The following NR3C1 variants were observed in gnomAD, a reference collection of about 807,000 sequenced individuals.
NR3C1 encodes the protein nuclear receptor subfamily 3 group C member 1, also known as glucocorticoid receptor.
A neutral mutation model predicts 74.0 loss-of-function variants in NR3C1; 14 were observed. The observed-to-expected ratio is 0.19, with a 90% CI of 0.12 to 0.30. The LOEUF (loss-of-function observed/expected upper bound fraction) is 0.30. Among genes scored for constraint, NR3C1 ranks in the 10% least tolerant of loss-of-function variants. The pLI, the probability that NR3C1 is intolerant of heterozygous loss-of-function variation, is 1.00. For missense variants in NR3C1, 695 were observed against 909.8 expected, an observed-to-expected ratio of 0.76 and a Z score of 3.04; for synonymous variants, 308 against 332.5, an observed-to-expected ratio of 0.93 and a Z score of 0.80.
chr5:143,382,740 T>C (rs1836480306), intron 2 of NR3C1, among the ~76,000 whole-genome samples: 1 of 152,228 alleles, frequency 6.6e-6, no homozygotes, highest in Non-Finnish European at 1.5e-5. Flanking sequence ...CTAGCTCCAT[T>C]TGGAATTCTA....
intron 1 of NR3C1, among the ~76,000 whole-genome samples, chr5:143,433,012 T>C (rs1600695344): frequency 6.6e-6 from 1 of 152,194 alleles, no homozygotes; most frequent in East Asian, 1.9e-4. Flanking sequence ...AGTAGCTCGA[T>C]TTAGTTTCCA....
rs142424142 is a variant in NR3C1 at position 143,372,990 on chromosome 5, A to C, written c.1184+26666T>G. On this transcript the variant is annotated intron_variant, in intron 2 of 8. Coordinates refer to ENST00000394464, the MANE Select transcript of NR3C1 (RefSeq NM_000176.3). Reference sequence around the variant, plus strand: ...AGCAAAAAATAAAAACAAAAACAAAAAACTGCCTTGACTTCTAAATATTTT... The same window carrying C: ...AGCAAAAAATAAAAACAAAAACAAACAACTGCCTTGACTTCTAAATATTTT... 1.0e-3 allele frequency among the ~76,000 whole-genome samples: 155 copies of C among 152,328 alleles called. 3 individuals are homozygous for C. In the East Asian group the frequency reaches 0.022, roughly 22 times the overall value.
intron 4 of NR3C1, among the ~76,000 whole-genome samples, chr5:143,308,055 G>A (rs1368198458): frequency 6.6e-6 from 1 of 152,160 alleles, no homozygotes; most frequent in Non-Finnish European, 1.5e-5. Flanking sequence ...TGTGTGTGTG[G>A]TTTGGGGAAT....
At chr5:143,314,573 A>G (rs1821686554) in intron 2 of NR3C1, among the ~76,000 whole-genome samples, 1 of 152,126 alleles carries the variant, frequency 6.6e-6, no homozygotes, top group Non-Finnish European at 1.5e-5. Context: ...ATCAGGAGAG[A>G]GGATATTTCC....
At chr5:143,305,424 A>G (rs1299548773) in intron 4 of NR3C1, among the ~76,000 whole-genome samples, 1 of 152,220 alleles carries the variant, frequency 6.6e-6, no homozygotes, top group Admixed American at 6.5e-5. Flanking sequence ...AAATCATTCT[A>G]TCAAAAAGAC....
upstream of NR3C1, among the ~76,000 whole-genome samples, chr5:143,405,857 G>A (rs1158549610): frequency 2.0e-5 from 3 of 152,112 alleles, no homozygotes; most frequent in African/African-American, 7.2e-5. Context: ...GCTCATCTGT[G>A]AGGCTATGAG....
chr5:143,292,277 T>C (rs1359418697), intron 7 of NR3C1, among the ~76,000 whole-genome samples: 1 of 152,116 alleles, frequency 6.6e-6, no homozygotes, highest in Non-Finnish European at 1.5e-5. Context: ...TATTTTATCC[T>C]GGAGCCCTGT....
chr5:143,412,235 T>C (rs1841316830), intron 1 of NR3C1, among the ~76,000 whole-genome samples: 1 of 122,570 alleles, frequency 8.2e-6, no homozygotes, highest in South Asian at 2.7e-4. Flanking sequence ...GCTGGATTGT[T>C]AGTCAAATGT....
At chr5:143,380,551 G>A (rs1033532025) in intron 2 of NR3C1, among the ~76,000 whole-genome samples, 5 of 151,860 alleles carry the variant, frequency 3.3e-5, no homozygotes, top group African/African-American at 1.2e-4. Flanking sequence ...AGACATGAAA[G>A]GCTTGCTCTT....
intron 7 of NR3C1, among the ~76,000 whole-genome samples, chr5:143,284,790 C>T (rs576832559): frequency 7.2e-5 from 11 of 152,168 alleles, no homozygotes; most frequent in Admixed American, 3.3e-4. Flanking sequence ...GAAACAAATA[C>T]GGTAAGCCAT....
chr5:143,306,920 G>A (rs1375544061), intron 4 of NR3C1, among the ~76,000 whole-genome samples: 15 of 102,944 alleles, frequency 1.5e-4, no homozygotes, highest in Admixed American at 3.0e-4. Flanking sequence ...TTTTTGAGAC[G>A]GAGTCTCGCT....
In NR3C1 at chr5:143,299,233, C is replaced by T. The variant is rs562983351; in HGVS notation, c.1748-421G>A. Among the ~76,000 whole-genome samples, 43 of 151,736 alleles carry T rather than the reference C, an allele frequency of 2.8e-4. 2 individuals are homozygous for T. The South Asian group carries it at 8.1e-3, about 29-fold the overall frequency. On this transcript the variant is annotated intron_variant, in intron 5 of 8. Transcript: ENST00000394464. The stretch of plus-strand genomic sequence containing the variant: ...TTTGCTATGCTGGCCAGGCTGGTCT[C>T]GAACTCCTGACCTCAACTGATCCAC...
At chr5:143,335,167 T>C (rs1266678353) in intron 2 of NR3C1, among the ~76,000 whole-genome samples, 2 of 152,202 alleles carry the variant, frequency 1.3e-5, no homozygotes, top group East Asian at 3.9e-4. Flanking sequence ...AATCACATCA[T>C]ACACAGTACA....
intron 2 of NR3C1, among the ~76,000 whole-genome samples, chr5:143,320,436 A>G (rs1463384081): frequency 1.3e-5 from 2 of 152,192 alleles, no homozygotes; most frequent in African/African-American, 4.8e-5. Flanking sequence ...AACAAAACCT[A>G]TACATTAATA....
At chr5:143,333,947 C>G (rs529518237) in intron 2 of NR3C1, among the ~76,000 whole-genome samples, 1 of 152,202 alleles carries the variant, frequency 6.6e-6, no homozygotes, top group Admixed American at 6.5e-5. Context: ...TTGTCATACT[C>G]TTAGGTGACA....
chr5:143,327,828 G>A (rs767188475), intron 2 of NR3C1, among the ~76,000 whole-genome samples: 17 of 152,242 alleles, frequency 1.1e-4, no homozygotes, highest in African/African-American at 1.4e-4. Flanking sequence ...GGCTCAGCAG[G>A]GTACCCCTGT....
Position 143,400,069 on chromosome 5 carries a change from A to T in NR3C1, c.771T>A (p.Ile257=), listed in dbSNP as rs1185687165. 1.2e-6 allele frequency: 2 copies of T among 1,614,000 alleles called. No individual in the cohort carries two copies. Among genetic ancestry groups the T allele is most frequent in the Admixed American group, 3.3e-5 (2 of 59,992 alleles). Reference sequence around the variant, plus strand: ...ACAAAACCAGATCTCCATTATCCTTAATTTTGGGTTTAGTGTCCGGTAAAA... The same window carrying T: ...ACAAAACCAGATCTCCATTATCCTTTATTTTGGGTTTAGTGTCCGGTAAAA... ...PLILPDTKPK[I]KDNGDLVLSS... The change falls in exon 2 of 9, where the codon ATT becomes ATA. Residue 257 remains isoleucine, a synonymous_variant. Coordinates refer to ENST00000394464, the MANE Select transcript of NR3C1 (RefSeq NM_000176.3).
intron 2 of NR3C1, among the ~76,000 whole-genome samples, chr5:143,328,206 C>T (rs759323676): frequency 1.1e-4 from 16 of 152,344 alleles, no homozygotes; most frequent in Admixed American, 3.3e-4. Flanking sequence ...AGCAATGGTG[C>T]GAGCTGTAAC....
chr5:143,401,631 C>G (rs895857865), intron 1 of NR3C1, among the ~76,000 whole-genome samples: 4 of 152,202 alleles, frequency 2.6e-5, no homozygotes, highest in African/African-American at 9.6e-5. Flanking sequence ...GCTTACATAA[C>G]TTAAATATAG....
Sources: gnomAD v4.1 joint callset for allele counts (sites outside exome capture counted in the v4.1 genomes callset) on GRCh38, gnomAD v4.1.1 for gene constraint, MANE v1.5 for transcripts, NCBI Gene and HGNC (gene_info 2026-07-23, HGNC 2026-07-21) for gene names.